Variants in KATNAL2 observed in about 807,000 individuals in gnomAD.
The protein encoded by KATNAL2 is katanin catalytic subunit A1 like 2, also known as katanin p60 ATPase-containing subunit A-like 2.
A neutral mutation model predicts 76.3 loss-of-function variants in KATNAL2; 52 were observed. The ratio of observed to expected loss-of-function variants is 0.68; its 90% CI spans 0.55 to 0.86. The LOEUF (loss-of-function observed/expected upper bound fraction) is 0.86, where lower values mean the gene tolerates loss of function less well. KATNAL2 is among the 40% of genes least tolerant of loss of function. The pLI is 0.00. For missense variants in KATNAL2, 660 were observed against 668.9 expected, an observed-to-expected ratio of 0.99 and a Z score of 0.15; for synonymous variants, 243 against 244.2, an observed-to-expected ratio of 1.00 and a Z score of 0.05.
intron 1 of KATNAL2, among the ~76,000 whole-genome samples, chr18:46,945,821 G>A (rs994808805): frequency 6.6e-6 from 1 of 152,152 alleles, no homozygotes; most frequent in South Asian, 2.1e-4. Flanking sequence ...TTCACATGGT[G>A]CCAAGTTGGA....
intron 3 of KATNAL2, among the ~76,000 whole-genome samples, chr18:47,031,297 C>T (rs943463886): frequency 6.6e-6 from 1 of 152,050 alleles, no homozygotes; most frequent in African/African-American, 2.4e-5. Context: ...TCTTACCTTT[C>T]AGTCCGAATG....
intron 3 of KATNAL2, among the ~76,000 whole-genome samples, chr18:47,031,734 CT>C (rs1319040218): frequency 2.0e-5 from 3 of 152,154 alleles, no homozygotes; most frequent in African/African-American, 7.2e-5. Flanking sequence ...CCACCTCGGC[CT>C]CCCAAAGTGC....
intron 3 of KATNAL2, among the ~76,000 whole-genome samples, chr18:47,037,507 T>A (rs901660550): frequency 1.3e-5 from 2 of 152,210 alleles, no homozygotes; most frequent in African/African-American, 2.4e-5. Context: ...TTTAAATGGA[T>A]CCTTTTTGCG....
chr18:46,953,907 G>A (rs779245480), intron 3 of KATNAL2, among the ~76,000 whole-genome samples: 9 of 152,168 alleles, frequency 5.9e-5, no homozygotes, highest in Non-Finnish European at 1.3e-4. Context: ...TCAGTTATGT[G>A]TAGGTCTTTT....
chr18:47,067,936 A>C (rs2061864993), intron 11 of KATNAL2, among the ~76,000 whole-genome samples: 2 of 152,210 alleles, frequency 1.3e-5, no homozygotes, highest in Admixed American at 1.3e-4. Flanking sequence ...AGGCTGGGAC[A>C]AGCAGTACGG....
At chr18:47,065,400 C>T (rs2061758029) in intron 10 of KATNAL2, among the ~76,000 whole-genome samples, 2 of 140,718 alleles carry the variant, frequency 1.4e-5, no homozygotes, top group South Asian at 2.2e-4. Context: ...TTCCCAAGAT[C>T]GACTGTGGGA....
intron 1 of KATNAL2, among the ~76,000 whole-genome samples, chr18:46,939,354 A>G (rs1432187960): frequency 6.6e-6 from 1 of 151,094 alleles, no homozygotes; most frequent in Non-Finnish European, 1.5e-5. Context: ...AAAAAAAAAG[A>G]AAAGAAAAGA....
chr18:46,932,155 C>A (rs923151636), intron 1 of KATNAL2, among the ~76,000 whole-genome samples: 12 of 152,224 alleles, frequency 7.9e-5, no homozygotes, highest in African/African-American at 2.6e-4. Flanking sequence ...TCGTGATCCG[C>A]CCGCCTTGGC....
intron 1 of KATNAL2, among the ~76,000 whole-genome samples, chr18:46,929,915 C>A (rs2058853743): frequency 6.6e-6 from 1 of 152,132 alleles, no homozygotes; most frequent in Admixed American, 6.5e-5. Flanking sequence ...GGTGGGATTA[C>A]AGGCGCATGC....
chr18:46,941,076 C>G (rs939133549), intron 1 of KATNAL2, among the ~76,000 whole-genome samples: 4 of 152,160 alleles, frequency 2.6e-5, no homozygotes, highest in Non-Finnish European at 5.9e-5. Context: ...AGAATCCCAG[C>G]GTTTTGGGAT....
chr18:46,954,104 A>T (rs2059650217), intron 3 of KATNAL2, among the ~76,000 whole-genome samples: 1 of 151,820 alleles, frequency 6.6e-6, no homozygotes, highest in African/African-American at 2.4e-5. Context: ...CAGGTAGTCC[A>T]GGTAGTCCTG....
At position 47,077,426 on chromosome 18, in the gene KATNAL2, T is replaced by A; in HGVS notation, c.1176T>A (p.Asp392Glu). The change falls in exon 15 of 18, where the codon GAT (aspartate) becomes GAA (glutamate). Residue 392 changes from aspartate to glutamate, a missense_variant. Transcript: ENST00000683218. Reference sequence around the variant, plus strand: ...TGGATGGGCTGGCACGCTCAGAAGATCTCGTATTTGTCTTAGCAGCTTCTA... The same window carrying A: ...TGGATGGGCTGGCACGCTCAGAAGAACTCGTATTTGTCTTAGCAGCTTCTA... ...VQMDGLARSE[D>E]LVFVLAASNL... 2 of 1,613,996 alleles carry A rather than the reference T, an allele frequency of 1.2e-6. No individual in the cohort carries two copies. The highest frequency in any genetic ancestry group is 8.5e-7 in the Non-Finnish European group (1 of 1,179,908).
At chr18:47,072,723 G>A (rs1309672000) in intron 13 of KATNAL2, among the ~76,000 whole-genome samples, 1 of 152,272 alleles carries the variant, frequency 6.6e-6, no homozygotes, top group Non-Finnish European at 1.5e-5. Flanking sequence ...ACAGGCATAA[G>A]CCACCATGCC....
intron 3 of KATNAL2, among the ~76,000 whole-genome samples, chr18:47,040,360 T>A (rs1218212183): frequency 1.3e-5 from 2 of 152,210 alleles, no homozygotes; most frequent in African/African-American, 4.8e-5. Context: ...AGGGTATGGA[T>A]TTTATGAAAT....
In KATNAL2 at chr18:46,946,247, C is replaced by A; in HGVS notation, c.-319C>A. On this transcript the variant is annotated 5_prime_UTR_variant, in exon 2 of 18. Coordinates refer to ENST00000683218, the MANE Select transcript of KATNAL2 (RefSeq NM_001387690.1). ...AAAAATAGAGCAGAGGAAAACACGT[C>A]CATGTTTTTCCACGTCTAATGAGAA... 1 of 1,104,958 alleles carries A rather than the reference C, an allele frequency of 9.1e-7. No individual in the cohort carries two copies. The highest frequency in any genetic ancestry group is 1.1e-6 in the Non-Finnish European group (1 of 896,442). 68.4% of individuals were successfully genotyped at this position (1,104,958 alleles called of 1,614,324 possible).
chr18:47,091,431 A>G (rs1185373527), intron 15 of KATNAL2, among the ~76,000 whole-genome samples: 1 of 152,222 alleles, frequency 6.6e-6, no homozygotes, highest in Non-Finnish European at 1.5e-5. Context: ...AAAACAGAGT[A>G]ACTAGGTTCA....
intron 3 of KATNAL2, among the ~76,000 whole-genome samples, chr18:46,954,548 C>G (rs1383379258): frequency 6.6e-6 from 1 of 151,836 alleles, no homozygotes; most frequent in Non-Finnish European, 1.5e-5. Context: ...CCAGGATGGT[C>G]TTGATTTCTT....
intron 10 of KATNAL2, among the ~76,000 whole-genome samples, chr18:47,065,815 C>CA (rs2061773762): frequency 6.6e-6 from 1 of 150,800 alleles, no homozygotes; most frequent in African/African-American, 2.4e-5. Context: ...TCCGTGTCTA[C>CA]AAAAAATGAA....
At chr18:46,933,805 T>C (rs1314036356) in intron 1 of KATNAL2, among the ~76,000 whole-genome samples, 4 of 111,660 alleles carry the variant, frequency 3.6e-5, no homozygotes, top group East Asian at 6.5e-4. Flanking sequence ...CCCCACCCCA[T>C]AACAGTCCCC....
Sources: gnomAD v4.1 joint callset for allele counts (sites outside exome capture counted in the v4.1 genomes callset) on GRCh38, gnomAD v4.1.1 for gene constraint, MANE v1.5 for transcripts, NCBI Gene and HGNC (gene_info 2026-07-23, HGNC 2026-07-21) for gene names.